PLCB1: variants seen among roughly 807,000 people sequenced by gnomAD.
PLCB1 encodes 1-phosphatidylinositol 4,5-bisphosphate phosphodiesterase beta-1.
PLCB1 carries 46 observed loss-of-function variants against 161.8 expected under a neutral mutation model. The observed-to-expected ratio is 0.28, with a 90% CI of 0.22 to 0.36. PLCB1 has a LOEUF of 0.36. Among genes scored for constraint, PLCB1 ranks in the 10% least tolerant of loss-of-function variants. The probability of loss-of-function intolerance (pLI) is 1.00; values close to 1 mark genes in which losing one functional copy is unlikely to be tolerated. For synonymous variants in PLCB1, 517 were observed against 503.7 expected (o/e 1.03, Z -0.35); for missense variants, 1,016 against 1,472.5 (o/e 0.69, Z 5.07).
intron 31 of PLCB1, among the ~76,000 whole-genome samples, chr20:8,856,075 C>T (rs867997874): frequency 1.2e-4 from 18 of 152,100 alleles, no homozygotes; most frequent in African/African-American, 4.3e-4. Context: ...GGTACCCTGG[C>T]CTTTCATTCT....
At chr20:8,790,616 A>G (rs1421130307) in intron 31 of PLCB1, among the ~76,000 whole-genome samples, 2 of 152,202 alleles carry the variant, frequency 1.3e-5, no homozygotes, top group Non-Finnish European at 2.9e-5. Flanking sequence ...GTCAGTTCTA[A>G]ATAGCTGATG....
chr20:8,345,130 T>C (rs1193966989), intron 2 of PLCB1, among the ~76,000 whole-genome samples: 1 of 152,218 alleles, frequency 6.6e-6, no homozygotes, highest in African/African-American at 2.4e-5. Context: ...GGCTCTTCTT[T>C]CACTCTTCAC....
chr20:8,811,823 A>C (rs1159499414), intron 31 of PLCB1, among the ~76,000 whole-genome samples: 2 of 144,508 alleles, frequency 1.4e-5, no homozygotes, highest in African/African-American at 5.9e-5. Flanking sequence ...CCTTTCTGTA[A>C]TTAGTATTTA....
chr20:8,773,940 C>T (rs1340033777), intron 26 of PLCB1, among the ~76,000 whole-genome samples: 2 of 148,790 alleles, frequency 1.3e-5, no homozygotes, highest in Non-Finnish European at 2.9e-5. Context: ...TGCCACTGCA[C>T]TCCAGCTTGG....
intron 3 of PLCB1, among the ~76,000 whole-genome samples, chr20:8,532,247 G>A (rs1210258428): frequency 1.3e-5 from 2 of 152,168 alleles, no homozygotes; most frequent in Non-Finnish European, 2.9e-5. Flanking sequence ...GAGCTATTGA[G>A]CAGTATCAGA....
At chr20:8,223,969 A>T (rs1171211412) in intron 2 of PLCB1, among the ~76,000 whole-genome samples, 2 of 152,178 alleles carry the variant, frequency 1.3e-5, no homozygotes, top group African/African-American at 4.8e-5. Context: ...TGTGAGGTTA[A>T]GGGAATTTTT....
intron 19 of PLCB1, among the ~76,000 whole-genome samples, chr20:8,736,086 A>G (rs986389680): frequency 1.3e-5 from 2 of 152,174 alleles, no homozygotes; most frequent in Non-Finnish European, 2.9e-5. Flanking sequence ...TGGAGCTCAG[A>G]AAGTTCTTGA....
Position 8,628,656 on chromosome 20 carries a change from C to T in PLCB1, c.384+225C>T, listed in dbSNP as rs11904917. On this transcript the variant is annotated intron_variant, in intron 4 of 31. Transcript: ENST00000338037. ...TTTCATAAAGAATAAGCCATTTGGCCGGGCACGGTGGCTCATGCCTATAAT... is the reference window on the plus strand; with the variant it reads ...TTTCATAAAGAATAAGCCATTTGGCTGGGCACGGTGGCTCATGCCTATAAT... 64,494 of 461,494 alleles carry T rather than the reference C, an allele frequency of 0.14. 4,725 individuals are homozygous for T. The highest frequency in any genetic ancestry group is 0.2 in the Middle Eastern group (315 of 1,588). The allele number at this position is 461,494 out of a possible 1,614,324, so 28.6% of individuals were successfully genotyped here. A position where few individuals can be genotyped will look rare whatever the true frequency, so the allele number is the denominator to read the frequency against.
chr20:8,487,361 C>T (rs1385702019), intron 3 of PLCB1, among the ~76,000 whole-genome samples: 1 of 152,144 alleles, frequency 6.6e-6, no homozygotes, highest in Non-Finnish European at 1.5e-5. Flanking sequence ...GGTTGGCTTT[C>T]TGGAAGTATG....
intron 23 of PLCB1, among the ~76,000 whole-genome samples, chr20:8,743,055 G>C (rs1025989836): frequency 6.6e-5 from 10 of 152,138 alleles, no homozygotes; most frequent in Non-Finnish European, 1.5e-4. Context: ...TTCTTGTCCA[G>C]TTGCTCTAGC....
At chr20:8,670,765 T>C (rs1186385063) in intron 9 of PLCB1, among the ~76,000 whole-genome samples, 2 of 152,146 alleles carry the variant, frequency 1.3e-5, no homozygotes, top group African/African-American at 2.4e-5. Context: ...CAAAGATAAC[T>C]GAGAAGGGAA....
intron 11 of PLCB1, among the ~76,000 whole-genome samples, chr20:8,700,343 A>G (rs1219611830): frequency 2.6e-5 from 4 of 152,218 alleles, no homozygotes; most frequent in African/African-American, 9.6e-5. Flanking sequence ...CTTGTGGGAG[A>G]ATAAACACCA....
chr20:8,681,119 T>TATATATATAG (rs1485697576), intron 9 of PLCB1, among the ~76,000 whole-genome samples: 1 of 82,094 alleles, frequency 1.2e-5, no homozygotes, highest in Non-Finnish European at 2.2e-5. Context: ...TATATATATA[T>TATATATATAG]AATATATATA....
chr20:8,313,290 C>G (rs950256972), intron 2 of PLCB1, among the ~76,000 whole-genome samples: 2 of 152,128 alleles, frequency 1.3e-5, no homozygotes, highest in African/African-American at 4.8e-5. Context: ...CTGGTTCTGG[C>G]TGGGCTCGCA....
At chr20:8,739,445 G>A (rs1980757019) in intron 21 of PLCB1, 85 bp downstream of exon 21, 1 of 843,944 alleles carries the variant, frequency 1.2e-6, no homozygotes. Context: ...AATGACTTAA[G>A]AAACTATTTT....
intron 3 of PLCB1, among the ~76,000 whole-genome samples, chr20:8,467,602 A>T (rs1441382541): frequency 6.6e-6 from 1 of 152,178 alleles, no homozygotes; most frequent in African/African-American, 2.4e-5. Context: ...AACTCCATGG[A>T]CAGTAGGTAT....
chr20:8,727,036 C>G (rs1979977126), intron 16 of PLCB1, among the ~76,000 whole-genome samples: 1 of 151,996 alleles, frequency 6.6e-6, no homozygotes, highest in South Asian at 2.1e-4. Flanking sequence ...CCACACTATA[C>G]TCATCTAGAA....
At chr20:8,139,881 C>T (rs747101718) in intron 1 of PLCB1, among the ~76,000 whole-genome samples, 14 of 152,126 alleles carry the variant, frequency 9.2e-5, no homozygotes, top group Admixed American at 2.0e-4. Context: ...TCCTTTTTGA[C>T]GAACATTCTT....
chr20:8,623,726 C>T lies in PLCB1; in HGVS notation c.247-4568C>T, dbSNP rs535560679. Reference sequence around the variant, plus strand: ...AAATACTTAAACAAGTAACATCCTCCGAGTCTTTTGCTCTATTTAGAAGAA... The same window carrying T: ...AAATACTTAAACAAGTAACATCCTCTGAGTCTTTTGCTCTATTTAGAAGAA... On this transcript the variant is annotated intron_variant, in intron 3 of 31. Coordinates refer to ENST00000338037, the MANE Select transcript of PLCB1 (RefSeq NM_015192.4). 104 of 152,242 alleles carry T rather than the reference C, an allele frequency of 6.8e-4. 1 individual carries two copies. The highest frequency in any genetic ancestry group is 2.3e-3 in the African/African-American group (97 of 41,536). The allele number at this position is 152,242 out of a possible 1,614,324, so 9.4% of individuals were successfully genotyped here.
Sources: gnomAD v4.1 joint callset for allele counts (sites outside exome capture counted in the v4.1 genomes callset) on GRCh38, gnomAD v4.1.1 for gene constraint, MANE v1.5 for transcripts, NCBI Gene and HGNC (gene_info 2026-07-23, HGNC 2026-07-21) for gene names.